TENT5D: variants seen among roughly 807,000 people sequenced by gnomAD.
TENT5D encodes the protein cancer/testis antigen 112.
For synonymous variants in TENT5D, 103 were observed against 100.6 expected (o/e 1.02, Z -0.15); for missense variants, 191 against 287.0 (o/e 0.67, Z 2.42).
intron 3 of TENT5D, among the ~76,000 whole-genome samples, chrX:80,392,174 C>T (rs191097006): frequency 2.7e-5 from 3 of 111,734 alleles, no homozygotes; most frequent in African/African-American, 3.2e-5. Context: ...TAATCCCTAA[C>T]GCTTGGTAAG....
intron 2 of TENT5D, among the ~76,000 whole-genome samples, chrX:80,341,968 C>T: frequency 9.1e-6 from 1 of 109,856 alleles, no homozygotes; most frequent in East Asian, 2.9e-4. Flanking sequence ...GCCTCGGCCT[C>T]CCAAAGTGCT....
intron 3 of TENT5D, among the ~76,000 whole-genome samples, chrX:80,397,022 G>A (rs1452429187): frequency 5.3e-5 from 5 of 95,058 alleles, no homozygotes; most frequent in Non-Finnish European, 1.1e-4. Context: ...GTCTGGCCGG[G>A]GGGGGGGCTG....
At chrX:80,357,321 C>T (rs1930304658) in intron 3 of TENT5D, among the ~76,000 whole-genome samples, 2 of 108,967 alleles carry the variant, frequency 1.8e-5, no homozygotes, top group Admixed American at 2.0e-4. Flanking sequence ...GTTCTAGATC[C>T]CTGAGGAATC....
chrX:80,354,894 A>T (rs1020239943), intron 3 of TENT5D, among the ~76,000 whole-genome samples: 1 of 111,863 alleles, frequency 8.9e-6, no homozygotes, highest in South Asian at 3.7e-4. Flanking sequence ...CTTTTATTCC[A>T]TGATGCCCTT....
At chrX:80,434,081 G>A (rs752451101) in intron 1 of TENT5D, among the ~76,000 whole-genome samples, 1 of 108,171 alleles carries the variant, frequency 9.2e-6, no homozygotes, top group South Asian at 4.2e-4. Flanking sequence ...AGGTCACAGT[G>A]AGCCAAGATC....
chrX:80,382,193 T>C (rs1930880088), intron 3 of TENT5D, among the ~76,000 whole-genome samples: 1 of 112,296 alleles, frequency 8.9e-6, no homozygotes, highest in African/African-American at 3.2e-5. Flanking sequence ...TTTGTTAGTT[T>C]TCCTTCTAAC....
At chrX:80,413,751 G>A (rs769431576) in intron 3 of TENT5D, among the ~76,000 whole-genome samples, 26 of 111,418 alleles carry the variant, frequency 2.3e-4, no homozygotes, top group Non-Finnish European at 4.7e-4. Context: ...TCCCAGTTTC[G>A]GGTATGTATC....
At chrX:80,357,955 A>G (rs1602502795) in intron 3 of TENT5D, among the ~76,000 whole-genome samples, 4 of 111,782 alleles carry the variant, frequency 3.6e-5, no homozygotes, top group African/African-American at 1.3e-4. Flanking sequence ...TGGTACTGGT[A>G]CCAAAACAGA....
intron 1 of TENT5D, among the ~76,000 whole-genome samples, chrX:80,435,871 T>G (rs1932173784): frequency 8.9e-6 from 1 of 112,571 alleles, no homozygotes; most frequent in Non-Finnish European, 1.9e-5. Context: ...AAGTAAAAAC[T>G]GGCTCTTTAC....
intron 2 of TENT5D, among the ~76,000 whole-genome samples, chrX:80,342,057 T>C (rs1338883542): frequency 9.0e-6 from 1 of 111,228 alleles, no homozygotes; most frequent in East Asian, 2.8e-4. Context: ...TATGAAGATA[T>C]ATAGAGAAAA....
chrX:80,405,834 A>T (rs1390988332), intron 3 of TENT5D, among the ~76,000 whole-genome samples: 4 of 112,462 alleles, frequency 3.6e-5, no homozygotes, highest in Admixed American at 1.9e-4. Context: ...TAACCTCTGC[A>T]GACTTAAATG....
intron 3 of TENT5D, among the ~76,000 whole-genome samples, chrX:80,408,475 C>T (rs1326417134): frequency 2.1e-4 from 23 of 109,434 alleles, no homozygotes; most frequent in Non-Finnish European, 2.7e-4. Context: ...AACACCTCTA[C>T]GCAAATAAAC....
intron 1 of TENT5D, among the ~76,000 whole-genome samples, chrX:80,430,509 G>A (rs1281282297): frequency 9.0e-6 from 1 of 111,418 alleles, no homozygotes; most frequent in African/African-American, 3.3e-5. Flanking sequence ...AAGAAGGGCA[G>A]GATTAATTTT....
intron 1 of TENT5D, among the ~76,000 whole-genome samples, chrX:80,434,134 C>T (rs1932137100): frequency 1.4e-5 from 1 of 69,056 alleles, no homozygotes; most frequent in Admixed American, 2.1e-4. Context: ...GAGACTCTGT[C>T]TCAAAAAAAA....
intron 3 of TENT5D, among the ~76,000 whole-genome samples, chrX:80,397,934 G>A (rs971052634): frequency 4.5e-5 from 5 of 110,743 alleles, no homozygotes; most frequent in East Asian, 2.8e-4. Flanking sequence ...AGAGGGAGAC[G>A]GAGACCGTGG....
chrX:80,442,782 G>T, exon 3 of TENT5D: 1 of 1,211,313 alleles, frequency 8.3e-7, no homozygotes, highest in Non-Finnish European at 1.1e-6. Flanking sequence ...TCAGCTATAA[G>T]GATCTGGACG....
intron 3 of TENT5D, among the ~76,000 whole-genome samples, chrX:80,361,088 T>G (rs1363500453): frequency 8.9e-6 from 1 of 111,925 alleles, no homozygotes; most frequent in Non-Finnish European, 1.9e-5. Context: ...TGATTTAAAG[T>G]TTGTTGTTTA....
intron 1 of TENT5D, among the ~76,000 whole-genome samples, chrX:80,426,932 A>G (rs1006920384): frequency 1.8e-5 from 2 of 110,825 alleles, no homozygotes; most frequent in Admixed American, 1.9e-4. Context: ...TGCTATTCTC[A>G]TGATAGTGAA....
intron 1 of TENT5D, among the ~76,000 whole-genome samples, chrX:80,431,589 A>G (rs748013414): frequency 1.6e-4 from 18 of 112,061 alleles, no homozygotes; most frequent in Admixed American, 2.8e-4. Context: ...GACACCTGAC[A>G]ATCATGTTGG....
Sources: allele counts gnomAD v4.1 joint callset (sites outside exome capture counted in the v4.1 genomes callset), GRCh38; gene constraint gnomAD v4.1.1; transcripts MANE v1.5; gene names NCBI Gene and HGNC (gene_info 2026-07-23, HGNC 2026-07-21).